FNDC3B: variants seen among roughly 807,000 people sequenced by gnomAD.
FNDC3B encodes fibronectin type III domain-containing protein 3B.
Under a neutral mutation model 151.5 loss-of-function variants are expected in FNDC3B, and 12 were observed. That is an observed-to-expected ratio of 0.08 (90% confidence interval 0.05 to 0.13). FNDC3B has a LOEUF of 0.13. FNDC3B is among the 10% of genes least tolerant of loss of function. FNDC3B has a pLI of 1.00. For synonymous variants in FNDC3B, 528 were observed against 549.0 expected, an observed-to-expected ratio of 0.96 and a Z score of 0.54; for missense variants, 1,214 against 1,505.3, an observed-to-expected ratio of 0.81 and a Z score of 3.20.
chr3:172,270,540 A>G (rs193170632), intron 6 of FNDC3B, among the ~76,000 whole-genome samples: 240 of 152,164 alleles, frequency 1.6e-3, no homozygotes, highest in Non-Finnish European at 2.7e-3. Flanking sequence ...AATCCTCCCA[A>G]TCCTTCCTGG....
intron 2 of FNDC3B, among the ~76,000 whole-genome samples, chr3:172,125,621 A>T (rs1417398740): frequency 6.6e-6 from 1 of 152,184 alleles, no homozygotes; most frequent in Admixed American, 6.5e-5. Flanking sequence ...CTTTGAGACT[A>T]AAGAAATTTA....
At chr3:172,280,939 A>C (rs996043012) in intron 6 of FNDC3B, among the ~76,000 whole-genome samples, 1 of 151,058 alleles carries the variant, frequency 6.6e-6, no homozygotes, top group African/African-American at 2.4e-5. Context: ...GTGTATTTTT[A>C]TTTCAACCTT....
intron 6 of FNDC3B, among the ~76,000 whole-genome samples, chr3:172,271,596 G>A (rs988951737): frequency 1.8e-4 from 27 of 152,156 alleles, no homozygotes; most frequent in South Asian, 2.1e-4. Context: ...CTTTTTGACC[G>A]CTTTTGCCAA....
chr3:172,298,689 AAC>A, intron 8 of FNDC3B, 37 bp from the exon 9 acceptor site: 1 of 1,504,280 alleles, frequency 6.6e-7, no homozygotes. Context: ...TTGCTTTTGA[AAC>A]TGGAATTAGC....
intron 3 of FNDC3B, among the ~76,000 whole-genome samples, chr3:172,193,945 G>A (rs771596454): frequency 2.6e-5 from 4 of 152,174 alleles, no homozygotes; most frequent in Non-Finnish European, 5.9e-5. Flanking sequence ...TGGTGGTCGG[G>A]CGTGGTGGCT....
chr3:172,227,965 A>G (rs574484349), intron 4 of FNDC3B, among the ~76,000 whole-genome samples: 2 of 152,352 alleles, frequency 1.3e-5, no homozygotes, highest in Non-Finnish European at 2.9e-5. Flanking sequence ...TCAAAGATTT[A>G]TCCTTCTCTG....
chr3:172,396,607 G>C (rs555565310), intron 25 of FNDC3B, among the ~76,000 whole-genome samples: 1 of 152,294 alleles, frequency 6.6e-6, no homozygotes, highest in Admixed American at 6.5e-5. Flanking sequence ...GGAAGTGATT[G>C]ACAAGCAGGA....
intron 19 of FNDC3B, among the ~76,000 whole-genome samples, chr3:172,344,494 A>C (rs1169797151): frequency 6.6e-6 from 1 of 152,154 alleles, no homozygotes; most frequent in East Asian, 1.9e-4. Flanking sequence ...TGAAGACAGC[A>C]CTCAAGGTTA....
At position 172,350,836 on chromosome 3, in the gene FNDC3B, A is replaced by G. The variant is rs1012465906; in HGVS notation, c.2515-1967A>G. Among the ~76,000 whole-genome samples, 24 of 152,196 alleles carry G rather than the reference A, an allele frequency of 1.6e-4. 1 individual carries two copies. Among genetic ancestry groups the G allele is most frequent in the Non-Finnish European group, 2.9e-5 (2 of 68,022 alleles). On this transcript the variant is annotated intron_variant, in intron 21 of 25. Coordinates refer to ENST00000415807, the MANE Select transcript of FNDC3B (RefSeq NM_022763.4). ...GCGCCACTGCACTCCAGACAGAGAC[A>G]GACCCTGTCTCAAAAACAAAAAACA...
chr3:172,133,040 A>AT (rs1721183021), intron 2 of FNDC3B, among the ~76,000 whole-genome samples: 1 of 152,220 alleles, frequency 6.6e-6, no homozygotes, highest in South Asian at 2.1e-4. Flanking sequence ...TTGTCACACA[A>AT]TAGAATCATA....
intron 6 of FNDC3B, among the ~76,000 whole-genome samples, chr3:172,262,475 A>G (rs374635984): frequency 6.6e-6 from 1 of 152,210 alleles, no homozygotes; most frequent in African/African-American, 2.4e-5. Flanking sequence ...CTTAAGTAGA[A>G]CTTTGCAAGG....
intron 7 of FNDC3B, among the ~76,000 whole-genome samples, chr3:172,287,423 C>A (rs1162006014): frequency 1.3e-5 from 2 of 152,140 alleles, no homozygotes; most frequent in Admixed American, 1.3e-4. Context: ...AGATCACATG[C>A]ATAGCAATGA....
At chr3:172,079,123 T>A (rs761073002) in intron 1 of FNDC3B, among the ~76,000 whole-genome samples, 17 of 152,112 alleles carry the variant, frequency 1.1e-4, no homozygotes, top group Non-Finnish European at 1.9e-4. Flanking sequence ...GGCCCTAGAT[T>A]TATAAATGAA....
rs73167256 is a variant in FNDC3B at position 172,247,623 on chromosome 3, C to T, written c.355C>T (p.Pro119Ser). ...YPPSYPSAMS[P>S]THHLPPYLTH... Reference sequence around the variant, plus strand: ...CCCAAGCTACCCCTCAGCCATGTCTCCAACCCATCATCTCCCTCCCTATCT... The same window carrying T: ...CCCAAGCTACCCCTCAGCCATGTCTTCAACCCATCATCTCCCTCCCTATCT... Residue 119 changes from proline to serine, a missense_variant, in exon 5 of 26, where the codon CCA (proline) becomes TCA (serine). Physicochemically the swap from Pro to Ser is moderately conservative, Grantham distance 74. Around this residue, in one of 7 missense-constraint regions of FNDC3B, gnomAD observed 113 missense variants for 177.8 expected, o/e 0.64. Coordinates refer to ENST00000415807, the MANE Select transcript of FNDC3B (RefSeq NM_022763.4). The T allele has an allele frequency of 6.2e-7, 1 of 1,614,160 alleles. No individual in the cohort carries two copies. The highest frequency in any genetic ancestry group is 8.5e-7 in the Non-Finnish European group (1 of 1,180,020).
chr3:172,146,596 C>T (rs1437218222), intron 3 of FNDC3B, among the ~76,000 whole-genome samples: 1 of 152,178 alleles, frequency 6.6e-6, no homozygotes, highest in East Asian at 1.9e-4. Flanking sequence ...CTCAGGACAG[C>T]TCAAGAAATT....
chr3:172,358,124 T>G (rs1435047182), intron 22 of FNDC3B, among the ~76,000 whole-genome samples: 1 of 152,234 alleles, frequency 6.6e-6, no homozygotes, highest in Admixed American at 6.5e-5. Context: ...TGCTCACGCC[T>G]GGATCTAACA....
intron 11 of FNDC3B, among the ~76,000 whole-genome samples, chr3:172,314,434 G>A (rs1576902190): frequency 6.6e-6 from 1 of 152,188 alleles, no homozygotes; most frequent in East Asian, 1.9e-4. Flanking sequence ...TCTCTGCTCT[G>A]GCACCTGGTC....
intron 15 of FNDC3B, chr3:172,335,584 T>A (rs1732922082): frequency 6.6e-6 from 1 of 152,260 alleles, no homozygotes; most frequent in Non-Finnish European, 1.5e-5. Context: ...GGGATAGTTT[T>A]GTTTCCATTG....
chr3:172,091,449 TA>T (rs1214858804), intron 1 of FNDC3B, among the ~76,000 whole-genome samples: 1 of 152,188 alleles, frequency 6.6e-6, no homozygotes, highest in Non-Finnish European at 1.5e-5. Context: ...TTTGCAGATG[TA>T]TGAAAAAATA....
Sources: allele counts gnomAD v4.1 joint callset (sites outside exome capture counted in the v4.1 genomes callset), GRCh38; gene constraint gnomAD v4.1.1; regional missense constraint gnomAD v4.1.1; transcripts MANE v1.5; gene names NCBI Gene and HGNC (gene_info 2026-07-23, HGNC 2026-07-21).